Variants in PLA2R1 observed in about 807,000 individuals in gnomAD.
The protein encoded by PLA2R1 is phospholipase A2 receptor 1.
Under a neutral mutation model 195.9 loss-of-function variants are expected in PLA2R1, and 158 were observed. The ratio of observed to expected loss-of-function variants is 0.81; its 90% confidence interval spans 0.71 to 0.92. PLA2R1 has a LOEUF of 0.92. Among genes scored for constraint, PLA2R1 ranks in the 40% least tolerant of loss-of-function variants. The pLI, the probability that PLA2R1 is intolerant of heterozygous loss-of-function variation, is 0.00. For missense variants in PLA2R1, 1,626 were observed against 1,764.6 expected (o/e 0.92, Z 1.41); for synonymous variants, 586 against 598.2 (o/e 0.98, Z 0.30).
At chr2:160,058,774 G>A (rs1695749990) in intron 1 of PLA2R1, among the ~76,000 whole-genome samples, 1 of 151,836 alleles carries the variant, frequency 6.6e-6, no homozygotes, top group East Asian at 1.9e-4. Context: ...CTAGAGCAAA[G>A]GTCCCCCACC....
intron 11 of PLA2R1, among the ~76,000 whole-genome samples, chr2:159,997,056 A>C (rs910958238): frequency 6.6e-6 from 1 of 152,118 alleles, no homozygotes; most frequent in East Asian, 1.9e-4. Flanking sequence ...TGTCTCTTCA[A>C]ACTGTGTTTC....
chr2:159,967,725 C>G, intron 19 of PLA2R1, 47 bp from the exon 20 acceptor site: 1 of 1,539,592 alleles, frequency 6.5e-7, no homozygotes, highest in Non-Finnish European at 8.9e-7. Flanking sequence ...AATGGCGATT[C>G]TTTGAAGGCA....
chr2:159,978,342 GA>G (rs1204483035), intron 14 of PLA2R1, among the ~76,000 whole-genome samples: 2 of 151,932 alleles, frequency 1.3e-5, no homozygotes, highest in Admixed American at 6.5e-5. Context: ...AAAATTTGGG[GA>G]AAAAAAGGAT....
chr2:159,960,908 A>G (rs1311622572), intron 20 of PLA2R1, among the ~76,000 whole-genome samples: 1 of 152,216 alleles, frequency 6.6e-6, no homozygotes, highest in African/African-American at 2.4e-5. Flanking sequence ...ATGGGACATA[A>G]TATATTGGAA....
At position 160,033,122 on chromosome 2, in the gene PLA2R1, T is replaced by C. The variant is rs199576756; in HGVS notation, c.678A>G (p.Glu226=). 3.3e-5 allele frequency: 53 copies of C among 1,610,416 alleles called. No homozygotes were observed. The East Asian group carries it at 1.2e-3, about 36-fold the overall frequency. The change falls in exon 4 of 30, where the codon GAA becomes GAG. Residue 226 remains glutamate, a synonymous_variant. Coordinates refer to ENST00000283243, the MANE Select transcript of PLA2R1 (RefSeq NM_007366.5). ...TCTCCCAAATAGTATCACAACCTACTTCTGCAGAGGCTGGAAACAATGGCC... is the reference window on the plus strand; with the variant it reads ...TCTCCCAAATAGTATCACAACCTACCTCTGCAGAGGCTGGAAACAATGGCC... ...WGFCPDPTSA[E]VGCDTIWEKD...
At chr2:160,011,719 A>C (rs1692372237) in intron 10 of PLA2R1, among the ~76,000 whole-genome samples, 1 of 152,206 alleles carries the variant, frequency 6.6e-6, no homozygotes, top group Non-Finnish European at 1.5e-5. Context: ...TGACTCACTG[A>C]CTGGGGGACT....
intron 13 of PLA2R1, 54 bp from the exon 14 acceptor site, chr2:159,979,968 T>C: frequency 9.5e-7 from 1 of 1,056,088 alleles, no homozygotes; most frequent in Non-Finnish European, 1.5e-6. Flanking sequence ...TACAGCATTA[T>C]GTGAAAGGTT....
At chr2:159,928,563 G>A (rs991113219), downstream of PLA2R1, among the ~76,000 whole-genome samples, 2 of 152,204 alleles carry the variant, frequency 1.3e-5, no homozygotes, top group African/African-American at 2.4e-5. Context: ...AATCAATATT[G>A]TGAAAATGAC....
At chr2:159,997,803 A>G (rs1218338962) in intron 11 of PLA2R1, among the ~76,000 whole-genome samples, 1 of 152,074 alleles carries the variant, frequency 6.6e-6, no homozygotes, top group Non-Finnish European at 1.5e-5. Context: ...TTGCCTTGCG[A>G]TGGATCTAAG....
At chr2:160,021,325 CAT>C (rs2105469689) in intron 7 of PLA2R1, among the ~76,000 whole-genome samples, 2 of 152,240 alleles carry the variant, frequency 1.3e-5, no homozygotes, top group South Asian at 4.1e-4. Flanking sequence ...CACCTGTACT[CAT>C]ATGTTTATCA....
the PLA2R1 span, among the ~76,000 whole-genome samples, chr2:159,925,950 A>T: frequency 6.6e-6 from 1 of 152,124 alleles, no homozygotes; most frequent in East Asian, 1.9e-4. Flanking sequence ...CCCTGATTTG[A>T]TGTGACCTTT....
chr2:159,942,200 A>G, intron 28 of PLA2R1, 41 bp from the exon 29 acceptor site: 1 of 1,483,444 alleles, frequency 6.7e-7, no homozygotes, highest in Non-Finnish European at 9.4e-7. Context: ...TTTTTCTTTT[A>G]ATTCAGCAAA....
rs775603497 is a variant in PLA2R1 at position 160,062,428 on chromosome 2, G to A, written c.-25C>T. On this transcript the variant is annotated 5_prime_UTR_variant, in exon 1 of 30. Transcript: ENST00000283243. ...TCGCTAACCACTGGGCTCTCCGGGA[G>A]CCCCTTGTCCCGGGAGCCCCTTATC... 4 of 1,528,070 alleles carry A rather than the reference G, an allele frequency of 2.6e-6. No homozygotes were observed. The Admixed American group carries it at 8.2e-5, about 31-fold the overall frequency. The allele number at this position is 1,528,070 out of a possible 1,614,324, so 94.7% of individuals were successfully genotyped here. A position where few individuals can be genotyped will look rare whatever the true frequency, so the allele number is the denominator to read the frequency against.
chr2:159,942,118 C>T lies in PLA2R1; in HGVS notation c.4177+9G>A. ...AAAATCAAAATGTTTTGTATGGTTT[C>T]AAACGTACCTTTTTCTGGCAGCGCC... On this transcript the variant is annotated intron_variant, in intron 29 of 29. Coordinates refer to ENST00000283243, the MANE Select transcript of PLA2R1 (RefSeq NM_007366.5). 2.5e-6 allele frequency: 4 copies of T among 1,609,304 alleles called. No individual in the cohort carries two copies. Among genetic ancestry groups the T allele is most frequent in the Non-Finnish European group, 3.4e-6 (4 of 1,175,922 alleles).
chr2:160,056,297 G>T (rs1695538173), intron 1 of PLA2R1, among the ~76,000 whole-genome samples: 1 of 152,172 alleles, frequency 6.6e-6, no homozygotes, highest in African/African-American at 2.4e-5. Flanking sequence ...TATGCTGTGG[G>T]TTGTGATGTA....
intron 28 of PLA2R1, among the ~76,000 whole-genome samples, chr2:159,944,689 G>A (rs1042318902): frequency 6.6e-6 from 1 of 152,170 alleles, no homozygotes; most frequent in African/African-American, 2.4e-5. Flanking sequence ...AAAAATCATA[G>A]TCTTTGAGTT....
chr2:160,002,318 A>G (rs1691660231), intron 11 of PLA2R1, among the ~76,000 whole-genome samples: 1 of 152,042 alleles, frequency 6.6e-6, no homozygotes, highest in Non-Finnish European at 1.5e-5. Flanking sequence ...GGAAGTAGGA[A>G]GCCTCAGTAG....
chr2:159,949,550 G>T, intron 25 of PLA2R1, 58 bp downstream of exon 25: 1 of 1,276,830 alleles, frequency 7.8e-7, no homozygotes, highest in Non-Finnish European at 1.1e-6. Flanking sequence ...TTAGCACAGT[G>T]TCTTGCATAC....
downstream of PLA2R1, among the ~76,000 whole-genome samples, chr2:159,929,867 T>TGA (rs1208866666): frequency 8.6e-6 from 1 of 115,962 alleles, no homozygotes; most frequent in Non-Finnish European, 1.9e-5. Context: ...TGTGTGTGTG[T>TGA]GTGTGTATAT....
Sources: allele counts gnomAD v4.1 joint callset (sites outside exome capture counted in the v4.1 genomes callset), GRCh38; gene constraint gnomAD v4.1.1; transcripts MANE v1.5; gene names NCBI Gene and HGNC (gene_info 2026-07-23, HGNC 2026-07-21).